The following ROBO1 variants were observed in gnomAD, a reference collection of about 807,000 sequenced individuals.
ROBO1 encodes the protein roundabout homolog 1.
Under a neutral mutation model 195.9 loss-of-function variants are expected in ROBO1, and 149 were observed. That is an observed-to-expected ratio of 0.76 (90% confidence interval 0.67 to 0.87). ROBO1 has a LOEUF of 0.87. Ranked by LOEUF, ROBO1 falls within the 40% of genes least tolerant of loss-of-function variation. The probability of loss-of-function intolerance (pLI) is 0.00; values close to 1 mark genes in which losing one functional copy is unlikely to be tolerated. For synonymous variants in ROBO1, 816 were observed against 733.2 expected (o/e 1.11, Z -1.82); for missense variants, 1,933 against 2,068.3 (o/e 0.93, Z 1.27).
chr3:78,881,902 G>GA (rs926240167), intron 4 of ROBO1, among the ~76,000 whole-genome samples: 3 of 151,910 alleles, frequency 2.0e-5, no homozygotes, highest in Admixed American at 6.6e-5. Context: ...AGATCAAATG[G>GA]AAAAAAATAC....
intron 2 of ROBO1, among the ~76,000 whole-genome samples, chr3:79,253,991 G>A (rs950184255): frequency 2.0e-5 from 3 of 152,108 alleles, no homozygotes; most frequent in Non-Finnish European, 4.4e-5. Context: ...CTTGTTAGGA[G>A]CACTTATCCA....
chr3:79,678,798 T>G (rs1335467220), intron 1 of ROBO1, among the ~76,000 whole-genome samples: 1 of 152,048 alleles, frequency 6.6e-6, no homozygotes, highest in Admixed American at 6.6e-5. Flanking sequence ...AGAGGGCCAC[T>G]GCTTAGTTCT....
intron 2 of ROBO1, among the ~76,000 whole-genome samples, chr3:79,297,584 T>C (rs964137): frequency 3.7e-4 from 56 of 152,022 alleles, no homozygotes; most frequent in African/African-American, 1.3e-3. Context: ...CTGATCTCAC[T>C]CTGAAATTAA....
chr3:79,492,152 C>T (rs1939494188), intron 2 of ROBO1, among the ~76,000 whole-genome samples: 1 of 152,092 alleles, frequency 6.6e-6, no homozygotes, highest in African/African-American at 2.4e-5. Context: ...AGGTCAGGCA[C>T]GGTGGCTCAC....
At chr3:79,650,980 C>A (rs576912321) in intron 1 of ROBO1, among the ~76,000 whole-genome samples, 5 of 151,890 alleles carry the variant, frequency 3.3e-5, no homozygotes, top group Non-Finnish European at 7.4e-5. Context: ...ATATTTGCAT[C>A]TGAAATTCTG....
chr3:79,067,737 G>A (rs902131552), intron 3 of ROBO1, among the ~76,000 whole-genome samples: 35 of 151,950 alleles, frequency 2.3e-4, no homozygotes, highest in African/African-American at 8.5e-4. Flanking sequence ...CTAAAACTTA[G>A]CAGCTAAATT....
intron 2 of ROBO1, among the ~76,000 whole-genome samples, chr3:79,226,573 C>T (rs1258283347): frequency 6.7e-6 from 1 of 149,816 alleles, no homozygotes; most frequent in Non-Finnish European, 1.5e-5. Context: ...CAGAGTTTCC[C>T]TCTGTCACCC....
chr3:78,986,494 G>A (rs1203825604), intron 3 of ROBO1, among the ~76,000 whole-genome samples: 3 of 151,514 alleles, frequency 2.0e-5, no homozygotes, highest in Non-Finnish European at 4.4e-5. Flanking sequence ...CACCCAGCCT[G>A]GAGTCTTCAA....
At chr3:79,187,121 C>A (rs1234761093) in intron 2 of ROBO1, among the ~76,000 whole-genome samples, 4 of 152,002 alleles carry the variant, frequency 2.6e-5, no homozygotes, top group Non-Finnish European at 5.9e-5. Flanking sequence ...CTTTAAATAT[C>A]TTTTTAAAAC....
chr3:78,823,888 G>GTA (rs2031302362), intron 4 of ROBO1, among the ~76,000 whole-genome samples: 1 of 152,042 alleles, frequency 6.6e-6, no homozygotes, highest in African/African-American at 2.4e-5. Context: ...GTGTGTGTGT[G>GTA]TGTATGTATG....
At chr3:79,630,863 G>A (rs1467633873) in intron 1 of ROBO1, among the ~76,000 whole-genome samples, 2 of 150,262 alleles carry the variant, frequency 1.3e-5, no homozygotes, top group Non-Finnish European at 3.0e-5. Flanking sequence ...AAATCAAAAA[G>A]TTAATCCCAT....
chr3:78,997,409 T>C (rs17314322), intron 3 of ROBO1, among the ~76,000 whole-genome samples: 8,233 of 152,218 alleles, frequency 0.054, 303 homozygotes, highest in Middle Eastern at 0.14. Context: ...AGTAGAGTGG[T>C]GATCCATTCT....
intron 2 of ROBO1, among the ~76,000 whole-genome samples, chr3:79,195,154 A>T (rs566219120): frequency 6.6e-6 from 1 of 151,714 alleles, no homozygotes; most frequent in East Asian, 1.9e-4. Context: ...GTGGCTGGTC[A>T]TTTGACTACT....
intron 2 of ROBO1, among the ~76,000 whole-genome samples, chr3:79,575,298 AAT>A (rs1173256231): frequency 8.1e-6 from 1 of 124,036 alleles, no homozygotes; most frequent in African/African-American, 3.2e-5. Flanking sequence ...ATATATAACA[AAT>A]ATATATAAAT....
At chr3:78,848,412 AG>A (rs755107540) in intron 4 of ROBO1, among the ~76,000 whole-genome samples, 5 of 152,200 alleles carry the variant, frequency 3.3e-5, no homozygotes, top group Non-Finnish European at 5.9e-5. Context: ...TAGTGAACAA[AG>A]GCGTCTCTGC....
chr3:79,237,679 A>AT (rs1255792847), intron 2 of ROBO1, among the ~76,000 whole-genome samples: 1 of 152,058 alleles, frequency 6.6e-6, no homozygotes, highest in East Asian at 1.9e-4. Flanking sequence ...CATACACGTA[A>AT]TTTTTGTCAA....
At chr3:79,594,670 T>G (rs918033395) in intron 1 of ROBO1, among the ~76,000 whole-genome samples, 1 of 152,002 alleles carries the variant, frequency 6.6e-6, no homozygotes, top group Non-Finnish European at 1.5e-5. Flanking sequence ...CTTAGTTGCA[T>G]CTTTCTGAAG....
At chr3:78,628,614 A>G (rs1001091230) in intron 25 of ROBO1, among the ~76,000 whole-genome samples, 4 of 152,120 alleles carry the variant, frequency 2.6e-5, no homozygotes, top group African/African-American at 9.7e-5. Context: ...TCTACCATCC[A>G]CCTTGTTTAC....
At chr3:79,633,585 A>G (rs1321321930) in intron 1 of ROBO1, among the ~76,000 whole-genome samples, 1 of 152,036 alleles carries the variant, frequency 6.6e-6, no homozygotes, top group Admixed American at 6.6e-5. Context: ...TTCTCTCCAA[A>G]TCATTAGAAA....
Sources: allele counts gnomAD v4.1 joint callset (sites outside exome capture counted in the v4.1 genomes callset), GRCh38; gene constraint gnomAD v4.1.1; transcripts MANE v1.5; gene names NCBI Gene and HGNC (gene_info 2026-07-23, HGNC 2026-07-21).